TOP1MT: variants seen among roughly 807,000 people sequenced by gnomAD.
TOP1MT encodes DNA topoisomerase I, mitochondrial.
A neutral mutation model predicts 73.9 loss-of-function variants in TOP1MT; 80 were observed. The ratio of observed to expected loss-of-function variants is 1.08; its 90% CI spans 0.90 to 1.30. The LOEUF (loss-of-function observed/expected upper bound fraction) is 1.30, where lower values mean the gene tolerates loss of function less well. TOP1MT is among the 50% of genes most tolerant of loss of function. The probability of loss-of-function intolerance (pLI) is 0.00; values close to 1 mark genes in which losing one functional copy is unlikely to be tolerated. For missense variants in TOP1MT, 815 were observed against 808.0 expected, an observed-to-expected ratio of 1.01 and a Z score of -0.10; for synonymous variants, 338 against 326.4, an observed-to-expected ratio of 1.04 and a Z score of -0.38.
intron 2 of TOP1MT, among the ~76,000 whole-genome samples, chr8:143,342,245 GAGACAGAGTCTCGCTCTGTTA>G (rs1817110960): frequency 7.7e-6 from 1 of 130,250 alleles, no homozygotes; most frequent in Non-Finnish European, 1.5e-5. Flanking sequence ...ATTATTATTA[GAGACAGAGTCTCGCTCTGTTA>G]TTATTATTAT....
At chr8:143,324,260 G>A in intron 6 of TOP1MT, 118 bp from the exon 7 acceptor site, 1 of 1,449,630 alleles carries the variant, frequency 6.9e-7, no homozygotes, top group Non-Finnish European at 9.4e-7. Flanking sequence ...GCCGTGGTCA[G>A]GGGCTGGGGC....
chr8:143,347,080 GT>G (rs982362980), upstream of TOP1MT, among the ~76,000 whole-genome samples: 86 of 151,894 alleles, frequency 5.7e-4, 1 homozygote, highest in Non-Finnish European at 2.8e-4. Flanking sequence ...CGCCTCCCAG[GT>G]TCAAGCGATT....
chr8:143,317,091 C>T (rs1234579503), intron 10 of TOP1MT, among the ~76,000 whole-genome samples: 2 of 152,246 alleles, frequency 1.3e-5, no homozygotes, highest in Admixed American at 6.5e-5. Flanking sequence ...CCAGCCTCGG[C>T]GCCTCCTCCA....
At chr8:143,315,554 C>T (rs1211918159) in intron 12 of TOP1MT, among the ~76,000 whole-genome samples, 173 bp downstream of exon 12, 1 of 152,152 alleles carries the variant, frequency 6.6e-6, no homozygotes, top group Non-Finnish European at 1.5e-5. Context: ...GTAGTGGTCC[C>T]CCGGGCCCAG....
upstream of TOP1MT, among the ~76,000 whole-genome samples, chr8:143,336,819 T>C (rs886554131): frequency 6.6e-6 from 1 of 151,876 alleles, no homozygotes; most frequent in East Asian, 1.9e-4. Context: ...CCTATCTCTA[T>C]GGAAAATAAA....
At chr8:143,337,880 T>C (rs1817009068), upstream of TOP1MT, among the ~76,000 whole-genome samples, 1 of 152,172 alleles carries the variant, frequency 6.6e-6, no homozygotes, top group Non-Finnish European at 1.5e-5. Flanking sequence ...CCAGACTTCT[T>C]ATGAGGAAGC....
rs1442565333 is a variant in TOP1MT at position 143,317,725 on chromosome 8, C to T, written c.1328G>A (p.Arg443His). The change falls in exon 10 of 14, where the codon CGC becomes CAC. Residue 443 changes from arginine (R) to histidine (H), a missense_variant and splice_region_variant. By Grantham distance (29) the Arg-to-His change is conservative (BLOSUM62 0). Around this residue, in one of 3 missense-constraint regions of TOP1MT, gnomAD observed 751 missense variants for 725.4 expected, o/e 1.04. Coordinates refer to ENST00000329245, the MANE Select transcript of TOP1MT (RefSeq NM_052963.3). ...TLQEQLRALT[R>H]AEDSIAAKIL... ...GTGTGGGTGTGGGGCAGGCTCACCGCGCGTCAGGGCCCGCAGCTGCTCCTG... is the reference window on the plus strand; with the variant it reads ...GTGTGGGTGTGGGGCAGGCTCACCGTGCGTCAGGGCCCGCAGCTGCTCCTG... 14 of 1,613,212 alleles carry T rather than the reference C, an allele frequency of 8.7e-6. 1 individual carries two copies. The highest frequency in any genetic ancestry group is 3.4e-4 in the Middle Eastern group (2 of 5,890).
chr8:143,313,092 A>G (rs1006675974), intron 12 of TOP1MT, among the ~76,000 whole-genome samples: 1 of 152,214 alleles, frequency 6.6e-6, no homozygotes, highest in African/African-American at 2.4e-5. Flanking sequence ...CTCAGACCAC[A>G]CACAAAAATT....
In TOP1MT at chr8:143,329,413, C is replaced by T; in HGVS notation, c.297G>A (p.Met99Ile). Residue 99 changes from methionine to isoleucine, a missense_variant, in exon 3 of 14, where the codon ATG (methionine) becomes ATA (isoleucine). Around this residue, in one of 3 missense-constraint regions of TOP1MT, gnomAD observed 751 missense variants for 725.4 expected, o/e 1.04. Coordinates refer to ENST00000329245, the MANE Select transcript of TOP1MT (RefSeq NM_052963.3). ...AEEVATFYGR[M>I]LDHEYTTKEV... Reference sequence around the variant, plus strand: ...CCTTTGTTGTGTATTCATGATCTAACATCCTCCCATAAAAAGTGGCGACCT... The same window carrying T: ...CCTTTGTTGTGTATTCATGATCTAATATCCTCCCATAAAAAGTGGCGACCT... 2 of 1,610,592 alleles carry T rather than the reference C, an allele frequency of 1.2e-6. No homozygotes were observed. Among genetic ancestry groups the T allele is most frequent in the Non-Finnish European group, 8.5e-7 (1 of 1,179,114 alleles).
intron 12 of TOP1MT, among the ~76,000 whole-genome samples, chr8:143,313,296 AT>A (rs1286177367): frequency 6.6e-6 from 1 of 152,176 alleles, no homozygotes; most frequent in Non-Finnish European, 1.5e-5. Flanking sequence ...CACACCTGTA[AT>A]CCCAGCACTT....
chr8:143,357,093 C>CAAA (rs36125491), upstream of TOP1MT, among the ~76,000 whole-genome samples: 139 of 89,706 alleles, frequency 1.5e-3, no homozygotes, highest in African/African-American at 5.3e-3. Context: ...GACTCCATCT[C>CAAA]AAAAAAAAAA....
At position 143,325,500 on chromosome 8, in the gene TOP1MT, C is replaced by G; in HGVS notation, c.517G>C (p.Glu173Gln). 2 of 1,610,728 alleles carry G rather than the reference C, an allele frequency of 1.2e-6. No homozygotes were observed. Among genetic ancestry groups the G allele is most frequent in the African/African-American group, 1.3e-5 (1 of 74,992 alleles). The change falls in exon 5 of 14, where the codon GAG becomes CAG. Residue 173 changes from glutamate (E) to glutamine (Q), a missense_variant. Transcript: ENST00000329245. ...CCATCTAAAATACAGTAGCCGAACTCTTGCTGAAGTTTTTCTGCCTCTTCT... is the reference window on the plus strand; with the variant it reads ...CCATCTAAAATACAGTAGCCGAACTGTTGCTGAAGTTTTTCTGCCTCTTCT... ...LKEEAEKLQQ[E>Q]FGYCILDGHQ...
chr8:143,350,402 G>T (rs553996331), intron 1 of TOP1MT: 1 of 152,344 alleles, frequency 6.6e-6, no homozygotes, highest in African/African-American at 2.4e-5. Flanking sequence ...CACGGTCTCA[G>T]CTCACTGCAA....
upstream of TOP1MT, among the ~76,000 whole-genome samples, chr8:143,346,255 C>G (rs1315788713): frequency 6.6e-6 from 1 of 152,136 alleles, no homozygotes; most frequent in Non-Finnish European, 1.5e-5. Flanking sequence ...ATGCCAGGTT[C>G]CTAAATATGA....
rs1434332034 is a variant in TOP1MT, at chr8:143,325,536, G to A, written c.484-3C>T. 3 of 1,604,310 alleles carry A rather than the reference G, an allele frequency of 1.9e-6. No individual in the cohort carries two copies. The highest frequency in any genetic ancestry group is 3.3e-5 in the Admixed American group (2 of 59,766). ...TTTTCTGCCTCTTCTTTTAGCTTCTGAGTTAATAAAACAGTCAGTGGACAT... is the reference window on the plus strand; with the variant it reads ...TTTTCTGCCTCTTCTTTTAGCTTCTAAGTTAATAAAACAGTCAGTGGACAT... On this transcript the variant is annotated splice_polypyrimidine_tract_variant and splice_region_variant and intron_variant, in intron 4 of 13. Coordinates refer to ENST00000329245, the MANE Select transcript of TOP1MT (RefSeq NM_052963.3).
At chr8:143,334,919 C>A, upstream of TOP1MT, 1 of 1,303,604 alleles carries the variant, frequency 7.7e-7, no homozygotes, top group Non-Finnish European at 9.7e-7. Flanking sequence ...CCAGCCCCGC[C>A]CCGCCCCCAG....
chr8:143,310,350 A>G, intron 12 of TOP1MT, 133 bp from the exon 13 acceptor site: 1 of 650,690 alleles, frequency 1.5e-6, no homozygotes, highest in Non-Finnish European at 2.4e-6. Flanking sequence ...GTCATCCATC[A>G]CAGCAAAAGA....
At chr8:143,309,596 G>C in intron 13 of TOP1MT, 53 bp from the exon 14 acceptor site, 2 of 1,608,326 alleles carry the variant, frequency 1.2e-6, no homozygotes, top group Non-Finnish European at 1.7e-6. Context: ...CACCTTGAAG[G>C]CCAGGTCAGG....
intron 12 of TOP1MT, among the ~76,000 whole-genome samples, chr8:143,311,945 A>G (rs1003616974): frequency 9.2e-5 from 14 of 152,248 alleles, no homozygotes; most frequent in African/African-American, 3.4e-4. Flanking sequence ...AAATATGAAT[A>G]GAACTATAAC....
Sources: allele counts gnomAD v4.1 joint callset (sites outside exome capture counted in the v4.1 genomes callset), GRCh38; gene constraint gnomAD v4.1.1; regional missense constraint gnomAD v4.1.1; transcripts MANE v1.5; gene names NCBI Gene and HGNC (gene_info 2026-07-23, HGNC 2026-07-21).